The following OSBPL6 variants were observed in gnomAD, a reference collection of about 807,000 sequenced individuals.
The protein encoded by OSBPL6 is oxysterol-binding protein-related protein 6.
A neutral mutation model predicts 125.8 loss-of-function variants in OSBPL6; 49 were observed. That is an observed-to-expected ratio of 0.39 (90% confidence interval 0.31 to 0.49). The LOEUF (loss-of-function observed/expected upper bound fraction) is 0.49, where lower values mean the gene tolerates loss of function less well. Among genes scored for constraint, OSBPL6 ranks in the 20% least tolerant of loss-of-function variants. The pLI is 0.88. For synonymous variants in OSBPL6, 394 were observed against 391.8 expected (o/e 1.01, Z -0.07); for missense variants, 986 against 1,135.4 (o/e 0.87, Z 1.89).
rs542249873 is a variant in OSBPL6, at chr2:178,199,286, T to C, written c.-351+4612T>C. On this transcript the variant is annotated intron_variant, in intron 1 of 24. Coordinates refer to ENST00000190611, the MANE Select transcript of OSBPL6 (RefSeq NM_032523.4). ...TTTTGATTATACTGTGAAATTCTGCTTTAAACAAATAAAAATTCACATTAT... is the reference window on the plus strand; with the variant it reads ...TTTTGATTATACTGTGAAATTCTGCCTTAAACAAATAAAAATTCACATTAT... 3.8e-3 allele frequency among the ~76,000 whole-genome samples: 574 copies of C among 152,362 alleles called. 3 individuals are homozygous for C. Among genetic ancestry groups the C allele is most frequent in the Admixed American group, 8.6e-3 (132 of 15,300 alleles).
chr2:178,383,939 C>A, intron 17 of OSBPL6, 100 bp from the exon 18 acceptor site: 1 of 1,323,428 alleles, frequency 7.6e-7, no homozygotes, highest in Non-Finnish European at 1.0e-6. Context: ...CAAATCAACA[C>A]CCATCCACAT....
intron 1 of OSBPL6, among the ~76,000 whole-genome samples, chr2:178,270,209 T>G (rs1357119739): frequency 6.6e-6 from 1 of 152,178 alleles, no homozygotes; most frequent in Non-Finnish European, 1.5e-5. Context: ...ATTCTTCAAT[T>G]TGGCTCCCTT....
At chr2:178,263,678 C>T (rs2092134624) in intron 1 of OSBPL6, among the ~76,000 whole-genome samples, 1 of 152,080 alleles carries the variant, frequency 6.6e-6, no homozygotes, top group Non-Finnish European at 1.5e-5. Context: ...TATTGGGATG[C>T]TTGGTGATCA....
rs768302437 is a variant in OSBPL6, at chr2:178,383,275, A to G, written c.1873A>G (p.Met625Val). ...ASETDDPYER[M>V]VLVAAFAVSG... Reference sequence around the variant, plus strand: ...GGAAACTGATGATCCATATGAGCGCATGGTAATAAATAACTAACAGAGCAG... The same window carrying G: ...GGAAACTGATGATCCATATGAGCGCGTGGTAATAAATAACTAACAGAGCAG... Residue 625 changes from methionine to valine, a missense_variant and splice_region_variant, in exon 17 of 25, where the codon ATG becomes GTG. Physicochemically the swap from Met to Val is conservative, Grantham distance 21 (BLOSUM62 1). Coordinates refer to ENST00000190611, the MANE Select transcript of OSBPL6 (RefSeq NM_032523.4). 8.1e-6 allele frequency: 13 copies of G among 1,613,514 alleles called. No homozygotes were observed. Among genetic ancestry groups the G allele is most frequent in the East Asian group, 4.5e-5 (2 of 44,876 alleles).
intron 12 of OSBPL6, among the ~76,000 whole-genome samples, chr2:178,354,400 A>C (rs949278083): frequency 3.9e-5 from 6 of 152,238 alleles, no homozygotes; most frequent in African/African-American, 1.4e-4. Flanking sequence ...AGATCTACCA[A>C]GCAAATGGAA....
At chr2:178,339,898 A>C in intron 11 of OSBPL6, 134 bp downstream of exon 11, 1 of 492,980 alleles carries the variant, frequency 2.0e-6, no homozygotes, top group Non-Finnish European at 3.5e-6. Flanking sequence ...AAACTGTTAC[A>C]TTATCTAAAA....
At chr2:178,389,865 T>C (rs1335334668) in intron 21 of OSBPL6, among the ~76,000 whole-genome samples, 2 of 152,222 alleles carry the variant, frequency 1.3e-5, no homozygotes, top group Admixed American at 6.5e-5. Context: ...AGGTAACATA[T>C]TGGAGTCTTA....
upstream of OSBPL6, among the ~76,000 whole-genome samples, chr2:178,193,980 A>C (rs1239309253): frequency 6.6e-6 from 1 of 152,194 alleles, no homozygotes; most frequent in Non-Finnish European, 1.5e-5. Flanking sequence ...GCGCCCAGGG[A>C]CATGGGTTTG....
intron 13 of OSBPL6, among the ~76,000 whole-genome samples, chr2:178,371,890 A>G (rs1041256649): frequency 2.6e-5 from 4 of 152,204 alleles, no homozygotes; most frequent in Non-Finnish European, 4.4e-5. Context: ...TATGAAATCT[A>G]TTAACTCTTT....
chr2:178,284,739 T>C (rs1006749016), intron 1 of OSBPL6, among the ~76,000 whole-genome samples, 188 bp from the exon 2 acceptor site: 2 of 152,208 alleles, frequency 1.3e-5, no homozygotes, highest in Non-Finnish European at 2.9e-5. Flanking sequence ...AGAAGGTCAG[T>C]GGTTACGTCT....
intron 1 of OSBPL6, among the ~76,000 whole-genome samples, chr2:178,225,003 T>TTCTCTCTCTC (rs10679680): frequency 0.041 from 6,017 of 148,494 alleles, 160 homozygotes; most frequent in Middle Eastern, 0.076. Flanking sequence ...CTCTCTCTCT[T>TTCTCTCTCTC]TCTCTCTCTC....
intron 3 of OSBPL6, among the ~76,000 whole-genome samples, chr2:178,309,910 A>G (rs1687115149): frequency 6.6e-6 from 1 of 152,246 alleles, no homozygotes; most frequent in African/African-American, 2.4e-5. Context: ...GAGATGTTGT[A>G]TTAAAAGAGA....
chr2:178,312,311 C>T (rs1015031433), intron 3 of OSBPL6, among the ~76,000 whole-genome samples: 23 of 148,876 alleles, frequency 1.5e-4, no homozygotes, highest in African/African-American at 5.2e-4. Flanking sequence ...ACAGGTGCAC[C>T]ACCACGCCTG....
At chr2:178,265,363 T>TA (rs1354020925) in intron 1 of OSBPL6, among the ~76,000 whole-genome samples, 2 of 151,466 alleles carry the variant, frequency 1.3e-5, no homozygotes, top group African/African-American at 4.8e-5. Context: ...AGGTGTGTGC[T>TA]ACCAGGCCTG....
At chr2:178,344,740 T>C (rs11890678) in intron 11 of OSBPL6, among the ~76,000 whole-genome samples, 2,406 of 152,262 alleles carry the variant, frequency 0.016, 52 homozygotes, top group African/African-American at 0.053. Flanking sequence ...AGAAAAGTCA[T>C]GTTACTACAG....
intron 3 of OSBPL6, among the ~76,000 whole-genome samples, chr2:178,311,601 AAATG>A (rs1687274762): frequency 6.6e-6 from 1 of 152,250 alleles, no homozygotes; most frequent in African/African-American, 2.4e-5. Context: ...TAGAAGCAAT[AAATG>A]AATGAATGAG....
At chr2:178,282,464 A>C (rs1022908024) in intron 1 of OSBPL6, among the ~76,000 whole-genome samples, 6 of 152,178 alleles carry the variant, frequency 3.9e-5, no homozygotes, top group African/African-American at 1.2e-4. Flanking sequence ...GAATGGTAAG[A>C]ACTTGTGGAG....
chr2:178,266,404 A>C (rs2092235851), intron 1 of OSBPL6, among the ~76,000 whole-genome samples: 1 of 152,172 alleles, frequency 6.6e-6, no homozygotes, highest in African/African-American at 2.4e-5. Context: ...AAGAGGATGG[A>C]AAGTGAAATC....
chr2:178,395,682 A>G lies in OSBPL6; in HGVS notation c.*123A>G. 1 of 641,902 alleles carries G rather than the reference A, an allele frequency of 1.6e-6. No individual in the cohort carries two copies. Among genetic ancestry groups the G allele is most frequent in the Non-Finnish European group, 2.6e-6 (1 of 383,968 alleles). 39.8% of individuals were successfully genotyped at this position (641,902 alleles called of 1,614,324 possible). On this transcript the variant is annotated 3_prime_UTR_variant, in exon 25 of 25. Transcript: ENST00000190611. The stretch of plus-strand genomic sequence containing the variant: ...CTGAAAACCTACCATTTGCTTTTCT[A>G]TTCATCTTTATAATGGACTTTCAGA...
Sources: gnomAD v4.1 joint callset for allele counts (sites outside exome capture counted in the v4.1 genomes callset) on GRCh38, gnomAD v4.1.1 for gene constraint, MANE v1.5 for transcripts, NCBI Gene and HGNC (gene_info 2026-07-23, HGNC 2026-07-21) for gene names.